The following LGALS4 variants were observed in gnomAD, a reference collection of about 807,000 sequenced individuals.
LGALS4 encodes the protein galectin 4.
Under a neutral mutation model 39.6 loss-of-function variants are expected in LGALS4, and 37 were observed. The ratio of observed to expected loss-of-function variants is 0.93; its 90% confidence interval spans 0.72 to 1.23. The LOEUF (loss-of-function observed/expected upper bound fraction) is 1.23. Ranked by LOEUF, LGALS4 falls within the 50% of genes most tolerant of loss-of-function variation. LGALS4 has a pLI of 0.00. For synonymous variants in LGALS4, 160 were observed against 165.5 expected, an observed-to-expected ratio of 0.97 and a Z score of 0.25; for missense variants, 397 against 433.2, an observed-to-expected ratio of 0.92 and a Z score of 0.74.
At chr19:38,808,440 A>G (rs1971448827) in intron 3 of LGALS4, among the ~76,000 whole-genome samples, 2 of 152,132 alleles carry the variant, frequency 1.3e-5, no homozygotes, top group Middle Eastern at 3.4e-3. Flanking sequence ...CCTGGGCAAC[A>G]TGGTGAAACC....
chr19:38,804,028 G>T, intron 4 of LGALS4, 133 bp from the exon 5 acceptor site: 1 of 1,023,204 alleles, frequency 9.8e-7, no homozygotes, highest in Non-Finnish European at 1.5e-6. Flanking sequence ...TCAAAGGGTG[G>T]CACCCCGATC....
chr19:38,809,202 G>GGAGAT (rs1313763198), intron 2 of LGALS4, among the ~76,000 whole-genome samples: 9 of 132,786 alleles, frequency 6.8e-5, no homozygotes, highest in Non-Finnish European at 1.4e-4. Context: ...TTTTTGAGAT[G>GGAGAT]GAGTCTTGCT....
At chr19:38,805,900 C>CGTCTCTACT (rs1971416281) in intron 4 of LGALS4, among the ~76,000 whole-genome samples, 1 of 152,038 alleles carries the variant, frequency 6.6e-6, no homozygotes, top group African/African-American at 2.4e-5. Flanking sequence ...GGTGAAACCC[C>CGTCTCTACT]GTCTCTACTA....
At chr19:38,808,484 C>T (rs544838679) in intron 3 of LGALS4, among the ~76,000 whole-genome samples, 12 of 151,938 alleles carry the variant, frequency 7.9e-5, no homozygotes, top group East Asian at 3.9e-4. Context: ...ATTAGCTGAG[C>T]GTGGTGGCAC....
At chr19:38,812,601 C>A in intron 1 of LGALS4, 82 bp from the exon 2 acceptor site, 1 of 1,328,914 alleles carries the variant, frequency 7.5e-7, no homozygotes, top group East Asian at 2.3e-5. Flanking sequence ...CCCCCCAGTC[C>A]CTTAAGCAGG....
At chr19:38,811,190 C>T (rs923946094) in intron 2 of LGALS4, among the ~76,000 whole-genome samples, 1 of 152,098 alleles carries the variant, frequency 6.6e-6, no homozygotes, top group African/African-American at 2.4e-5. Context: ...CCTGAGCTAC[C>T]GCGCCCGGCC....
chr19:38,811,081 A>G (rs1971488319), intron 2 of LGALS4, among the ~76,000 whole-genome samples: 1 of 151,600 alleles, frequency 6.6e-6, no homozygotes, highest in Non-Finnish European at 1.5e-5. Flanking sequence ...TTGTATTTTT[A>G]GTAGAGACAG....
intron 7 of LGALS4, among the ~76,000 whole-genome samples, chr19:38,802,677 C>T (rs1368467807): frequency 6.6e-6 from 1 of 150,756 alleles, no homozygotes; most frequent in African/African-American, 2.4e-5. Context: ...AACAAAGGAA[C>T]AAATTTTGTT....
chr19:38,802,281 G>C (rs1392206467), intron 8 of LGALS4, 35 bp downstream of exon 8: 1 of 1,604,044 alleles, frequency 6.2e-7, no homozygotes, highest in Non-Finnish European at 8.5e-7. Context: ...TGAGGGAGGA[G>C]GGGGCTGGGG....
At chr19:38,806,992 C>G (rs535686351) in intron 3 of LGALS4, among the ~76,000 whole-genome samples, 5 of 150,792 alleles carry the variant, frequency 3.3e-5, no homozygotes, top group East Asian at 2.0e-4. Flanking sequence ...CATTGGGAGT[C>G]GATAGTCTTG....
At chr19:38,803,227 A>C (rs1311926582) in intron 7 of LGALS4, 11 of 482,008 alleles carry the variant, frequency 2.3e-5, no homozygotes, top group Non-Finnish European at 4.1e-5. Context: ...GCTGGCCAGG[A>C]TGGTCTCGAT....
chr19:38,803,008 CT>C (rs71165582), intron 7 of LGALS4: 4,763 of 73,410 alleles, frequency 0.065, 26 homozygotes, highest in Middle Eastern at 0.11. Context: ...TTTTCTTTTT[CT>C]TTTTTTTTTT....
In LGALS4 at chr19:38,803,728, G is replaced by A; in HGVS notation, c.540+14C>T. The A allele has an allele frequency of 6.2e-7, 1 of 1,611,778 alleles. No homozygotes were observed. The highest frequency in any genetic ancestry group is 1.7e-5 in the Admixed American group (1 of 59,676). ...CCACTCCTCACCCGGGGCCCTCCCAGCCCTCCCACTCACGGGCAGGCTGTT... is the reference window on the plus strand; with the variant it reads ...CCACTCCTCACCCGGGGCCCTCCCAACCCTCCCACTCACGGGCAGGCTGTT... On this transcript the variant is annotated intron_variant, in intron 6 of 9. Coordinates refer to ENST00000307751, the MANE Select transcript of LGALS4 (RefSeq NM_006149.4).
intron 4 of LGALS4, among the ~76,000 whole-genome samples, chr19:38,805,145 CAG>C (rs1971407068): frequency 2.1e-5 from 3 of 145,792 alleles, no homozygotes; most frequent in South Asian, 4.5e-4. Context: ...GCCTGGGTGA[CAG>C]AGCCAGACCC....
intron 3 of LGALS4, among the ~76,000 whole-genome samples, chr19:38,807,885 C>T (rs1971441050): frequency 1.3e-5 from 2 of 152,130 alleles, no homozygotes; most frequent in African/African-American, 4.8e-5. Context: ...AAGGGCTGTG[C>T]AGGATGTGCT....
At chr19:38,809,087 G>C (rs1347343262) in intron 2 of LGALS4, 139 bp from the exon 3 acceptor site, 6 of 663,580 alleles carry the variant, frequency 9.0e-6, no homozygotes, top group Non-Finnish European at 1.5e-5. Flanking sequence ...GGGCAACCTT[G>C]GCACTGTGGG....
At chr19:38,801,949 C>T (rs746408671) in intron 9 of LGALS4, 39 bp from the exon 10 acceptor site, 3 of 1,613,898 alleles carry the variant, frequency 1.9e-6, no homozygotes, top group Admixed American at 1.7e-5. Flanking sequence ...AGGGCCAGGA[C>T]TGAGGCCCTG....
At chr19:38,803,394 G>A (rs1971383976) in intron 7 of LGALS4, 128 bp downstream of exon 7, 9 of 913,354 alleles carry the variant, frequency 9.9e-6, no homozygotes, top group African/African-American at 1.6e-5. Context: ...ACCTGACCAC[G>A]AACTCTATCT....
In LGALS4 at chr19:38,808,810, C is replaced by T. The variant is rs751629050; in HGVS notation, c.273G>A (p.Arg91=). 2 of 1,614,158 alleles carry T rather than the reference C, an allele frequency of 1.2e-6. No homozygotes were observed. Among genetic ancestry groups the T allele is most frequent in the Non-Finnish European group, 1.7e-6 (2 of 1,180,022 alleles). ...GGKWGSEERK[R]SMPFKKGAAF... is the part of the protein sequence containing the mutation. ...CGGCACCCTTTTTGAAGGGCATGCT[C>T]CTCTTCCTCTCCTCGCTGCCCCACT... The change falls in exon 3 of 10, where the codon AGG becomes AGA. Residue 91 remains arginine, a synonymous_variant. Coordinates refer to ENST00000307751, the MANE Select transcript of LGALS4 (RefSeq NM_006149.4).
Sources: allele counts gnomAD v4.1 joint callset (sites outside exome capture counted in the v4.1 genomes callset), GRCh38; gene constraint gnomAD v4.1.1; transcripts MANE v1.5; gene names NCBI Gene and HGNC (gene_info 2026-07-23, HGNC 2026-07-21).